The following KIRREL3 variants were observed in gnomAD, a reference collection of about 807,000 sequenced individuals.
KIRREL3 encodes kirre like nephrin family adhesion molecule 3.
In KIRREL3, 36 loss-of-function variants were observed where a neutral mutation model predicts 89.7. That is an observed-to-expected ratio of 0.40 (90% CI 0.31 to 0.53). The LOEUF (loss-of-function observed/expected upper bound fraction) is 0.53. KIRREL3 is among the 20% of genes least tolerant of loss of function. The pLI is 0.49. For synonymous variants in KIRREL3, 445 were observed against 441.4 expected, an observed-to-expected ratio of 1.01 and a Z score of -0.10; for missense variants, 864 against 1,056.6, an observed-to-expected ratio of 0.82 and a Z score of 2.53.
chr11:127,001,564 G>T (rs1950315581), upstream of KIRREL3, among the ~76,000 whole-genome samples: 1 of 152,092 alleles, frequency 6.6e-6, no homozygotes, highest in South Asian at 2.1e-4. Context: ...GAGGTGCTGT[G>T]AGTCCAATTG....
chr11:126,979,383 A>G (rs1366085157), intron 1 of KIRREL3, among the ~76,000 whole-genome samples: 1 of 152,266 alleles, frequency 6.6e-6, no homozygotes, highest in Non-Finnish European at 1.5e-5. Context: ...CAACATTACA[A>G]TAGCTATTAA....
intron 1 of KIRREL3, among the ~76,000 whole-genome samples, chr11:126,916,784 G>A (rs1947057944): frequency 6.6e-6 from 1 of 152,218 alleles, no homozygotes; most frequent in Admixed American, 6.5e-5. Context: ...TAAAGCATTA[G>A]TTACATGGTC....
intron 13 of KIRREL3, 104 bp downstream of exon 13, chr11:126,435,164 G>T (rs1955273156): frequency 1.7e-6 from 2 of 1,200,800 alleles, no homozygotes; most frequent in Non-Finnish European, 2.5e-6. Flanking sequence ...GGAGACACTA[G>T]CGGCCAGCAC....
intron 1 of KIRREL3, among the ~76,000 whole-genome samples, chr11:126,982,067 C>G (rs1949737374): frequency 6.6e-6 from 1 of 152,072 alleles, no homozygotes; most frequent in Non-Finnish European, 1.5e-5. Context: ...CTTTTAATTC[C>G]CCAGAGCCCA....
intron 2 of KIRREL3, among the ~76,000 whole-genome samples, chr11:126,540,877 G>GC (rs773787684): frequency 1.6e-4 from 25 of 152,214 alleles, no homozygotes; most frequent in Non-Finnish European, 3.2e-4. Context: ...CCCTGGCTAA[G>GC]CCCCCTTTCT....
intron 2 of KIRREL3, among the ~76,000 whole-genome samples, chr11:126,532,592 T>C (rs1175141154): frequency 6.6e-6 from 1 of 152,138 alleles, no homozygotes; most frequent in African/African-American, 2.4e-5. Context: ...GCCAGACTGG[T>C]GTCGAACTCC....
At chr11:126,938,696 A>G (rs867423110) in intron 1 of KIRREL3, among the ~76,000 whole-genome samples, 5 of 152,236 alleles carry the variant, frequency 3.3e-5, no homozygotes, top group Admixed American at 2.6e-4. Flanking sequence ...GTCATACTCT[A>G]AACTGTAACA....
Position 126,605,664 on chromosome 11 carries a change from A to G in KIRREL3, c.56-42752T>C, listed in dbSNP as rs1190593009. 6.6e-6 allele frequency among the ~76,000 whole-genome samples: 1 copy of G among 152,190 alleles called. No individual in the cohort carries two copies. Among genetic ancestry groups the G allele is most frequent in the Non-Finnish European group, 1.5e-5 (1 of 68,036 alleles). ...GTTGTCGGTTTCACTTAATAAATACATTGCCATTCTTGGCCACACATATCC... is the reference window on the plus strand; with the variant it reads ...GTTGTCGGTTTCACTTAATAAATACGTTGCCATTCTTGGCCACACATATCC... On this transcript the variant is annotated intron_variant, in intron 1 of 16. Transcript: ENST00000525144. This position sits in a 1 kb window ranked among gnomAD's most constrained non-coding sequence, Gnocchi z 5.7.
intron 1 of KIRREL3, among the ~76,000 whole-genome samples, chr11:126,657,956 T>C (rs1945230456): frequency 6.6e-6 from 1 of 152,096 alleles, no homozygotes; most frequent in Non-Finnish European, 1.5e-5. Context: ...TCCACAGAGC[T>C]CTCCTCCCGG....
rs1951054030 is a variant in KIRREL3, at chr11:126,802,080, T to C, written c.55+198375A>G. Among the ~76,000 whole-genome samples, 1 of 152,218 alleles carries C rather than the reference T, an allele frequency of 6.6e-6. No homozygotes were observed. Among genetic ancestry groups the C allele is most frequent in the East Asian group, 1.9e-4 (1 of 5,188 alleles). On this transcript the variant is annotated intron_variant, in intron 1 of 16. Coordinates refer to ENST00000525144, the MANE Select transcript of KIRREL3 (RefSeq NM_032531.4). This position sits in a 1 kb window ranked among gnomAD's most constrained non-coding sequence, Gnocchi z 5.2. ...CAAATGATGCTGCCAAACAGTCATTTGTGGCTGTGAGGAAGAATGGCCAGG... is the reference window on the plus strand; with the variant it reads ...CAAATGATGCTGCCAAACAGTCATTCGTGGCTGTGAGGAAGAATGGCCAGG...
intron 1 of KIRREL3, among the ~76,000 whole-genome samples, chr11:126,939,749 T>C (rs1362956411): frequency 2.0e-5 from 3 of 152,178 alleles, no homozygotes; most frequent in East Asian, 1.9e-4. Flanking sequence ...CTCTATATGA[T>C]TGAGTCAGCA....
At position 126,424,367 on chromosome 11, in the gene KIRREL3, G is replaced by A. The variant is rs1026517841; in HGVS notation, c.*213C>T. On this transcript the variant is annotated 3_prime_UTR_variant, in exon 17 of 17. Transcript: ENST00000525144. The stretch of plus-strand genomic sequence containing the variant: ...GCGCACTCAGCCGCAGCCTCTGTCT[G>A]TCTCCCCACCCGCCCACCTCTGGCA... 8 of 496,018 alleles carry A rather than the reference G, an allele frequency of 1.6e-5. No individual in the cohort carries two copies. The highest frequency in any genetic ancestry group is 2.6e-5 in the Non-Finnish European group (7 of 268,488). 30.7% of individuals were successfully genotyped at this position (496,018 alleles called of 1,614,324 possible).
At chr11:126,967,426 G>T (rs1179335451) in intron 1 of KIRREL3, among the ~76,000 whole-genome samples, 3 of 152,016 alleles carry the variant, frequency 2.0e-5, no homozygotes, top group African/African-American at 7.2e-5. Flanking sequence ...CTGCCTTCTG[G>T]CCTCCAAACT....
chr11:126,470,081 G>A (rs907841545), intron 5 of KIRREL3, among the ~76,000 whole-genome samples: 2 of 152,244 alleles, frequency 1.3e-5, no homozygotes, highest in African/African-American at 4.8e-5. Flanking sequence ...GCTCTCCGAG[G>A]GGCCTTCACA....
rs1343113525 is a variant in KIRREL3 at position 126,608,597 on chromosome 11, G to C, written c.56-45685C>G. Among the ~76,000 whole-genome samples the C allele has an allele frequency of 6.6e-6, 1 of 152,016 alleles. No individual in the cohort carries two copies. The highest frequency in any genetic ancestry group is 1.5e-5 in the Non-Finnish European group (1 of 68,020). On this transcript the variant is annotated intron_variant, in intron 1 of 16. Coordinates refer to ENST00000525144, the MANE Select transcript of KIRREL3 (RefSeq NM_032531.4). This position sits in a 1 kb window ranked among gnomAD's most constrained non-coding sequence, Gnocchi z 4.9. ...TTAATCACGAGCTGCTTTCTTCTGA[G>C]CTCAATAATCACCCTGGACTAATCC...
At chr11:126,820,831 C>G (rs557553409) in intron 1 of KIRREL3, among the ~76,000 whole-genome samples, 2 of 152,134 alleles carry the variant, frequency 1.3e-5, no homozygotes, top group Non-Finnish European at 2.9e-5. Flanking sequence ...GGAGAGGATA[C>G]TTATCCCCCT....
rs775743574 is a variant in KIRREL3, at chr11:126,989,058, C to T, written c.55+11397G>A. Among the ~76,000 whole-genome samples, 1 of 152,138 alleles carries T rather than the reference C, an allele frequency of 6.6e-6. No individual in the cohort carries two copies. The highest frequency in any genetic ancestry group is 2.4e-5 in the African/African-American group (1 of 41,440). On this transcript the variant is annotated intron_variant, in intron 1 of 16. Transcript: ENST00000525144. This position sits in a 1 kb window ranked among gnomAD's most constrained non-coding sequence, Gnocchi z 6.2. The stretch of plus-strand genomic sequence containing the variant: ...ACAGCAGGGCCAAGGTCAAACACCT[C>T]GTTGGTATAACATCTTTTAATTTGA...
At position 126,528,705 on chromosome 11, in the gene KIRREL3, GT is replaced by G. The variant is rs1467438447; in HGVS notation, c.134-2019del. On this transcript the variant is annotated intron_variant, in intron 2 of 16. Coordinates refer to ENST00000525144, the MANE Select transcript of KIRREL3 (RefSeq NM_032531.4). The surrounding 1 kb of genome is among the most constrained non-coding windows in gnomAD (Gnocchi z 4.6). ...AGACTGTTTCTGGCACCAAAACAGG[GT>G]AGAAAAGGAGGGAAGAGATGAGAGA... Among the ~76,000 whole-genome samples the G allele has an allele frequency of 1.3e-5, 2 of 151,796 alleles. No homozygotes were observed. The highest frequency in any genetic ancestry group is 2.9e-5 in the Non-Finnish European group (2 of 67,986).
chr11:126,926,843 A>G (rs1161309156), intron 1 of KIRREL3, among the ~76,000 whole-genome samples: 3 of 152,202 alleles, frequency 2.0e-5, no homozygotes, highest in Non-Finnish European at 4.4e-5. Flanking sequence ...TCTAATCGCT[A>G]TGGATTTTTC....
Sources: gnomAD v4.1 joint callset for allele counts (sites outside exome capture counted in the v4.1 genomes callset) on GRCh38, gnomAD v4.1.1 for gene constraint, Gnocchi (gnomAD v3.1) non-coding constraint, MANE v1.5 for transcripts, NCBI Gene and HGNC (gene_info 2026-07-23, HGNC 2026-07-21) for gene names.